Variants in PARL observed in about 807,000 individuals in gnomAD.
PARL encodes the protein presenilin-associated rhomboid-like protein, mitochondrial.
A neutral mutation model predicts 51.6 loss-of-function variants in PARL; 44 were observed. That is an observed-to-expected ratio of 0.85 (90% CI 0.67 to 1.10). The LOEUF is 1.10. Among genes scored for constraint, PARL ranks in the 50% least tolerant of loss-of-function variants. The pLI is 0.00. For synonymous variants in PARL, 172 were observed against 164.0 expected, an observed-to-expected ratio of 1.05 and a Z score of -0.37; for missense variants, 441 against 469.5, an observed-to-expected ratio of 0.94 and a Z score of 0.56.
chr3:183,859,473 G>C (rs1054414906), intron 4 of PARL, among the ~76,000 whole-genome samples: 1 of 152,046 alleles, frequency 6.6e-6, no homozygotes, highest in African/African-American at 2.4e-5. Flanking sequence ...AAGTAGCTGG[G>C]ATTATAGGCA....
At chr3:183,841,926 T>C (rs1030371019) in intron 6 of PARL, among the ~76,000 whole-genome samples, 5 of 152,290 alleles carry the variant, frequency 3.3e-5, no homozygotes, top group South Asian at 2.1e-4. Flanking sequence ...ACCCAGGAGA[T>C]TGAGGCAGCC....
intron 7 of PARL, among the ~76,000 whole-genome samples, chr3:183,835,533 A>G (rs1363428230): frequency 6.6e-6 from 1 of 152,200 alleles, no homozygotes; most frequent in Non-Finnish European, 1.5e-5. Context: ...GGAGGACCCA[A>G]GAAGACCTGA....
At chr3:183,851,030 C>T (rs1730487025) in intron 4 of PARL, among the ~76,000 whole-genome samples, 2 of 152,110 alleles carry the variant, frequency 1.3e-5, no homozygotes, top group Non-Finnish European at 2.9e-5. Flanking sequence ...GACTAAGGTT[C>T]CAAAACAATT....
At chr3:183,832,192 G>A (rs573763044) in intron 9 of PARL, among the ~76,000 whole-genome samples, 38 of 151,610 alleles carry the variant, frequency 2.5e-4, no homozygotes, top group African/African-American at 8.9e-4. Context: ...CACCTACTGG[G>A]AAAAACTGCT....
At chr3:183,849,902 T>C (rs1043488159) in intron 4 of PARL, among the ~76,000 whole-genome samples, 1 of 152,060 alleles carries the variant, frequency 6.6e-6, no homozygotes, top group Non-Finnish European at 1.5e-5. Flanking sequence ...CAAAATACAA[T>C]GAACAATTAT....
At chr3:183,865,401 C>T (rs1732350898) in intron 3 of PARL, among the ~76,000 whole-genome samples, 1 of 152,182 alleles carries the variant, frequency 6.6e-6, no homozygotes, top group Admixed American at 6.5e-5. Context: ...AAGCCAGGGT[C>T]CCCAACAACC....
In PARL at chr3:183,842,291, A is replaced by G; in HGVS notation, c.757+7T>C. 6.2e-7 allele frequency: 1 copy of G among 1,612,042 alleles called. No homozygotes were observed. The highest frequency in any genetic ancestry group is 8.5e-7 in the Non-Finnish European group (1 of 1,179,650). On this transcript the variant is annotated splice_region_variant and intron_variant, in intron 6 of 9. Coordinates refer to ENST00000317096, the MANE Select transcript of PARL (RefSeq NM_018622.7). ...CTCTCAAAGGCCCCGAGATTAAAGC[A>G]TATTACCTGCAGATAGGTACACTGC...
intron 9 of PARL, 95 bp downstream of exon 9, chr3:183,833,397 C>T: frequency 1.2e-6 from 1 of 800,540 alleles, no homozygotes; most frequent in Non-Finnish European, 2.2e-6. Context: ...AGTTCAATGT[C>T]TCTGCCATGG....
intron 4 of PARL, among the ~76,000 whole-genome samples, chr3:183,859,792 T>C (rs1731595005): frequency 6.6e-6 from 1 of 152,202 alleles, no homozygotes; most frequent in South Asian, 2.1e-4. Flanking sequence ...ACTCAGAAAC[T>C]ATGTATATTT....
At chr3:183,860,439 C>CA (rs1346586718) in intron 4 of PARL, among the ~76,000 whole-genome samples, 1 of 152,166 alleles carries the variant, frequency 6.6e-6, no homozygotes, top group African/African-American at 2.4e-5. Flanking sequence ...GATAATCTAA[C>CA]AATAAAGATT....
intron 4 of PARL, among the ~76,000 whole-genome samples, chr3:183,859,320 T>C (rs1317189414): frequency 1.3e-5 from 2 of 152,006 alleles, no homozygotes; most frequent in African/African-American, 4.8e-5. Flanking sequence ...AAACCTGGCA[T>C]CAGCTGTAAG....
chr3:183,876,843 T>C (rs1475128111), intron 1 of PARL, among the ~76,000 whole-genome samples: 1 of 152,102 alleles, frequency 6.6e-6, no homozygotes, highest in Non-Finnish European at 1.5e-5. Flanking sequence ...AGAAGTTGAT[T>C]ACAACACTCA....
chr3:183,852,729 T>C (rs917107194), intron 4 of PARL, among the ~76,000 whole-genome samples: 3 of 152,132 alleles, frequency 2.0e-5, no homozygotes, highest in African/African-American at 7.2e-5. Context: ...CTAAAAAATG[T>C]CTATAATGGC....
chr3:183,869,972 C>G (rs751738526), intron 1 of PARL, among the ~76,000 whole-genome samples: 2 of 151,780 alleles, frequency 1.3e-5, no homozygotes, highest in Non-Finnish European at 2.9e-5. Flanking sequence ...CTCTCAGTTA[C>G]TGAGGTTAAA....
At chr3:183,879,786 A>C in intron 1 of PARL, 54 of 516,910 alleles carry the variant, frequency 1.0e-4, no homozygotes, top group South Asian at 2.5e-4. Context: ...GCACCATCTC[A>C]ACTCACTGCA....
intron 7 of PARL, among the ~76,000 whole-genome samples, chr3:183,834,143 C>T (rs1452210152): frequency 6.6e-6 from 1 of 152,256 alleles, no homozygotes; most frequent in Non-Finnish European, 1.5e-5. Context: ...ACTGCTCACA[C>T]TTCTCTGACA....
intron 7 of PARL, among the ~76,000 whole-genome samples, chr3:183,835,257 T>C (rs936607350): frequency 6.6e-6 from 1 of 152,132 alleles, no homozygotes; most frequent in African/African-American, 2.4e-5. Context: ...TAAAAACGGT[T>C]GTTTCTGGAA....
intron 7 of PARL, 42 bp downstream of exon 7, chr3:183,840,528 T>A (rs749006099): frequency 9.6e-6 from 9 of 937,222 alleles, no homozygotes; most frequent in Non-Finnish European, 1.5e-5. Context: ...CAAAGTAAAT[T>A]TAAAAATTAA....
chr3:183,829,752 A>C, intron 9 of PARL, 43 bp from the exon 10 acceptor site: 1 of 1,482,906 alleles, frequency 6.7e-7, no homozygotes, highest in Non-Finnish European at 9.4e-7. Flanking sequence ...ACAGTGTGAC[A>C]TACAAATGGT....
Sources: allele counts gnomAD v4.1 joint callset (sites outside exome capture counted in the v4.1 genomes callset), GRCh38; gene constraint gnomAD v4.1.1; transcripts MANE v1.5; gene names NCBI Gene and HGNC (gene_info 2026-07-23, HGNC 2026-07-21).